Variants in POM121 observed in about 807,000 individuals in gnomAD.
The protein encoded by POM121 is POM121 transmembrane nucleoporin, also known as nuclear envelope pore membrane protein POM 121.
In POM121, 32 loss-of-function variants were observed where a neutral mutation model predicts 81.3. That is an observed-to-expected ratio of 0.39 (90% confidence interval 0.30 to 0.53). The LOEUF (loss-of-function observed/expected upper bound fraction) is 0.53, where lower values mean the gene tolerates loss of function less well. Among genes scored for constraint, POM121 ranks in the 20% least tolerant of loss-of-function variants. The pLI is 0.66. For missense variants in POM121, 1,138 were observed against 1,614.6 expected (o/e 0.70, Z 5.06); for synonymous variants, 514 against 694.2 (o/e 0.74, Z 4.08).
At chr7:72,895,092 T>C (rs1791805674) in intron 3 of POM121, among the ~76,000 whole-genome samples, 1 of 152,180 alleles carries the variant, frequency 6.6e-6, no homozygotes, top group Admixed American at 6.5e-5. Flanking sequence ...CCTTCCAAAG[T>C]GTTGGGATGA....
chr7:72,890,711 G>T (rs544424747), exon 2 of POM121: 1 of 1,601,674 alleles, frequency 6.2e-7, no homozygotes, highest in Non-Finnish European at 8.5e-7. Context: ...GATAACATAC[G>T]GGGATGTGAT....
intron 7 of POM121, 140 bp downstream of exon 7, chr7:72,939,549 T>C: frequency 7.2e-7 from 1 of 1,383,024 alleles, no homozygotes; most frequent in Non-Finnish European, 9.7e-7. Context: ...AGAGATTTCC[T>C]CTCCTTCAGA....
chr7:72,948,764 G>A (rs781939957), downstream of POM121: 18 of 1,577,658 alleles, frequency 1.1e-5, no homozygotes, highest in Admixed American at 3.3e-5. Context: ...ACCCGGGAAC[G>A]TGCTCAGGCC....
intron 3 of POM121, among the ~76,000 whole-genome samples, chr7:72,893,903 G>A (rs1458751750): frequency 5.9e-5 from 9 of 152,116 alleles, no homozygotes; most frequent in South Asian, 2.1e-4. Context: ...ACTCGGCGCC[G>A]TGTCTCTGTT....
upstream of POM121, among the ~76,000 whole-genome samples, chr7:72,922,512 G>A (rs1554496139): frequency 1.3e-5 from 2 of 151,530 alleles, no homozygotes; most frequent in African/African-American, 4.8e-5. Flanking sequence ...TCAGCCTCCT[G>A]AGTAGTTGGT....
downstream of POM121, chr7:72,950,040 T>G (rs782531976): frequency 1.4e-5 from 21 of 1,547,380 alleles, no homozygotes; most frequent in Non-Finnish European, 1.9e-5. Flanking sequence ...TCTTCCCTTT[T>G]CTATTCCTCT....
At position 72,945,642 on chromosome 7, in the gene POM121, GGCA is replaced by G. The variant is rs1797612441; in HGVS notation, c.3592_3594del (p.Ser1198del). 1 of 1,612,782 alleles carries G rather than the reference GGCA, an allele frequency of 6.2e-7. No homozygotes were observed. Among genetic ancestry groups the G allele is most frequent in the Non-Finnish European group, 8.5e-7 (1 of 1,179,486 alleles). On this transcript the variant is annotated inframe_deletion, in exon 12 of 13. Coordinates refer to ENST00000434423, the MANE Select transcript of POM121 (RefSeq NM_001387691.1). ...CCCTGCGCCTGGAGTGGGCACATCA[GGCA>G]GCAGCCTCTCCTTTGGGGCATCCTC...
intron 1 of POM121, among the ~76,000 whole-genome samples, chr7:72,888,788 AATATTT>A (rs1390775087): frequency 2.0e-5 from 3 of 152,024 alleles, no homozygotes; most frequent in African/African-American, 7.2e-5. Flanking sequence ...ATTAGGGTGT[AATATTT>A]ATATTTGTGT....
chr7:72,899,144 G>A (rs1792307258), intron 3 of POM121, among the ~76,000 whole-genome samples: 1 of 151,830 alleles, frequency 6.6e-6, no homozygotes. Context: ...CACTACACCT[G>A]GCTAATTTTT....
At position 72,942,498 on chromosome 7, in the gene POM121, G is replaced by C. The variant is rs782111828; in HGVS notation, c.2505G>C (p.Ala835=). Residue 835 remains alanine, a synonymous_variant, in exon 11 of 13, where the codon GCG becomes GCC. Transcript: ENST00000434423. The stretch of plus-strand genomic sequence containing the variant: ...CCACAGACTCTGCTTCGAAGCCTGC[G>C]TTTGGCTTTGGCATAAACAGTGTGA... The part of the protein sequence containing the change: ...SPSTDSASKP[A]FGFGINSVSS... 1 of 1,157,104 alleles carries C rather than the reference G, an allele frequency of 8.6e-7. No homozygotes were observed. The highest frequency in any genetic ancestry group is 1.2e-6 in the Non-Finnish European group (1 of 830,722). 71.7% of individuals were successfully genotyped at this position (1,157,104 alleles called of 1,614,324 possible). A position where few individuals can be genotyped will look rare whatever the true frequency, so the allele number is the denominator to read the frequency against.
At chr7:72,905,646 GC>G (rs1330419586) in intron 3 of POM121, among the ~76,000 whole-genome samples, 1 of 152,206 alleles carries the variant, frequency 6.6e-6, no homozygotes, top group Admixed American at 6.5e-5. Flanking sequence ...GTTGCAGTAA[GC>G]CAAGATTGCA....
chr7:72,880,128 C>A (rs1232425782), intron 1 of POM121, among the ~76,000 whole-genome samples: 1 of 152,206 alleles, frequency 6.6e-6, no homozygotes, highest in Admixed American at 6.5e-5. Flanking sequence ...CTCCACTCCC[C>A]GCTAACCCCT....
At chr7:72,915,398 C>T (rs1284597276) in intron 4 of POM121, among the ~76,000 whole-genome samples, 6 of 152,092 alleles carry the variant, frequency 3.9e-5, no homozygotes, top group South Asian at 2.1e-4. Context: ...GTTTTTGAGA[C>T]GAGTCTCACT....
Position 72,943,074 on chromosome 7 carries a change from T to G in POM121, c.3081T>G (p.His1027Gln), listed in dbSNP as rs148373543. 3,569 of 1,611,626 alleles carry G rather than the reference T, an allele frequency of 2.2e-3. 7 individuals carry two copies. The African/African-American group carries it at 0.024, about 11-fold the overall frequency. ...CTGCGTACGTGCCTACGCCCATCCA[T>G]CCTATCTTTGGCGGTGCCACGCACT... ...VVPAYVPTPIHPIFGGATHSA... is the reference protein window; with the variant it reads ...VVPAYVPTPIQPIFGGATHSA... Residue 1027 changes from histidine (H) to glutamine (Q), a missense_variant, in exon 11 of 13, where the codon CAT becomes CAG. Physicochemically the swap from His to Gln is conservative, Grantham distance 24. Transcript: ENST00000434423.
At chr7:72,917,422 T>C (rs1276854191) in intron 4 of POM121, among the ~76,000 whole-genome samples, 1 of 152,144 alleles carries the variant, frequency 6.6e-6, no homozygotes, top group African/African-American at 2.4e-5. Flanking sequence ...AAAGCCCGTG[T>C]AACACCTGAG....
intron 3 of POM121, among the ~76,000 whole-genome samples, chr7:72,910,534 GA>G (rs1461669863): frequency 6.6e-6 from 1 of 152,002 alleles, no homozygotes; most frequent in Non-Finnish European, 1.5e-5. Context: ...GCAGGTTGTG[GA>G]TGGTCAGCAG....
At chr7:72,895,622 C>G (rs570830972) in intron 3 of POM121, among the ~76,000 whole-genome samples, 2 of 152,282 alleles carry the variant, frequency 1.3e-5, no homozygotes, top group African/African-American at 4.8e-5. Context: ...AAGCATGGAT[C>G]TAAATATATC....
At chr7:72,936,379 G>A (rs1348435834) in intron 5 of POM121, among the ~76,000 whole-genome samples, 4 of 151,220 alleles carry the variant, frequency 2.6e-5, no homozygotes, top group Admixed American at 2.6e-4. Flanking sequence ...CTGTCTCCCA[G>A]CCATTCTCCT....
rs879976192 is a variant in POM121 at position 72,946,298 on chromosome 7, G to A, written c.*64G>A. 9.2e-4 allele frequency: 1,472 copies of A among 1,594,630 alleles called. 10 individuals carry two copies. The highest frequency in any genetic ancestry group is 1.6e-3 in the Middle Eastern group (7 of 4,346). On this transcript the variant is annotated 3_prime_UTR_variant, in exon 13 of 13. Transcript: ENST00000434423. ...AAATCTGGACCTTGGCACCTGCTAG[G>A]AAGAGCCTTGGACCCTTCCAGTTGC... is the stretch of plus-strand genomic sequence containing the variant.
Sources: gnomAD v4.1 joint callset for allele counts (sites outside exome capture counted in the v4.1 genomes callset) on GRCh38, gnomAD v4.1.1 for gene constraint, MANE v1.5 for transcripts, NCBI Gene and HGNC (gene_info 2026-07-23, HGNC 2026-07-21) for gene names.